Variants in DACH2 observed in about 807,000 individuals in gnomAD.
The protein encoded by DACH2 is dachshund homolog 2.
In DACH2, 17 loss-of-function variants were observed where a neutral mutation model predicts 35.8. The ratio of observed to expected loss-of-function variants is 0.48; its 90% CI spans 0.33 to 0.71. DACH2 has a LOEUF of 0.71. Ranked by LOEUF, DACH2 falls within the 30% of genes least tolerant of loss-of-function variation. The pLI is 0.02. For missense variants in DACH2, 469 were observed against 472.7 expected (o/e 0.99, Z 0.07); for synonymous variants, 195 against 177.3 (o/e 1.10, Z -0.79).
chrX:86,591,325 T>TACCCAAA (rs1253904427), intron 3 of DACH2, among the ~76,000 whole-genome samples: 1 of 111,607 alleles, frequency 9.0e-6, no homozygotes, highest in Non-Finnish European at 1.9e-5. Flanking sequence ...TATAATCCTT[T>TACCCAAA]GGGTATACAC....
At chrX:86,687,103 G>A (rs1374639216) in intron 4 of DACH2, among the ~76,000 whole-genome samples, 4 of 112,213 alleles carry the variant, frequency 3.6e-5, no homozygotes, top group African/African-American at 1.3e-4. Context: ...TGAAGCATCA[G>A]TTCCTTTTAA....
intron 2 of DACH2, among the ~76,000 whole-genome samples, chrX:86,435,319 C>A (rs201924605): frequency 8.9e-6 from 1 of 111,736 alleles, no homozygotes; most frequent in East Asian, 2.8e-4. Flanking sequence ...GAACTTTTAA[C>A]ATCAAGGTTT....
At chrX:86,686,872 T>C (rs1264956785) in intron 4 of DACH2, among the ~76,000 whole-genome samples, 1 of 112,156 alleles carries the variant, frequency 8.9e-6, no homozygotes, top group Non-Finnish European at 1.9e-5. Flanking sequence ...AATAATGTGA[T>C]GTTTAAGTTT....
chrX:86,537,823 G>A (rs1033747502), intron 3 of DACH2, among the ~76,000 whole-genome samples: 1 of 111,296 alleles, frequency 9.0e-6, no homozygotes, highest in African/African-American at 3.3e-5. Context: ...ACATCCAGAT[G>A]GCCTGAAACA....
rs1569472180 is a variant in DACH2 at position 86,714,548 on chromosome X, G to T, written c.932G>T (p.Arg311Ile). The T allele has an allele frequency of 1.7e-6, 2 of 1,191,538 alleles. No individual in the cohort carries two copies. The change falls in exon 6 of 12, where the codon AGA (arginine) becomes ATA (isoleucine). Residue 311 changes from arginine (R) to isoleucine (I), a missense_variant and splice_region_variant. Transcript: ENST00000373125. ...PLQQNHLLTNRLDLPFMMMPH... is the reference protein window; with the variant it reads ...PLQQNHLLTNILDLPFMMMPH... ...GTTTAATATGCACTGTCTCTTTTAG[G>T]ACTGGATCTGCCATTTATGATGATG...
chrX:86,587,936 C>A (rs2039595499), intron 3 of DACH2, among the ~76,000 whole-genome samples: 3 of 111,503 alleles, frequency 2.7e-5, no homozygotes, highest in Non-Finnish European at 1.9e-5. Context: ...GTCATAAATT[C>A]TTTGCCAATG....
rs151283030 is a variant in DACH2, at chrX:86,248,546, G to C, written c.488+99438G>C. Among the ~76,000 whole-genome samples the C allele has an allele frequency of 3.1e-4, 34 of 111,267 alleles. No individual in the cohort carries two copies. The East Asian group carries it at 9.6e-3, about 31-fold the overall frequency. On this transcript the variant is annotated intron_variant, in intron 1 of 11. Transcript: ENST00000373125. Reference sequence around the variant, plus strand: ...AGCACTGCTGAAAGTAATCAGAGATGACACACACAAATGGAGAAACACACC... The same window carrying C: ...AGCACTGCTGAAAGTAATCAGAGATCACACACACAAATGGAGAAACACACC...
At chrX:86,688,359 T>A (rs1381281937) in intron 4 of DACH2, among the ~76,000 whole-genome samples, 2 of 111,747 alleles carry the variant, frequency 1.8e-5, no homozygotes, top group Admixed American at 9.6e-5. Flanking sequence ...GGAAAGTCAG[T>A]TAAGAGTCTC....
intron 3 of DACH2, among the ~76,000 whole-genome samples, chrX:86,628,067 T>C (rs1424683979): frequency 1.8e-5 from 2 of 112,096 alleles, no homozygotes; most frequent in Admixed American, 1.9e-4. Flanking sequence ...TTTTTCCTCC[T>C]CCTGCTGTTG....
Position 86,720,288 on chromosome X carries a change from C to T in DACH2, c.1104+5568C>T, listed in dbSNP as rs764480532. On this transcript the variant is annotated intron_variant, in intron 6 of 11. Coordinates refer to ENST00000373125, the MANE Select transcript of DACH2 (RefSeq NM_053281.3). ...CGGCATTAACCCAAAAGTCCAAGTCCGAAGTTTTATCTGAGAAGGGACTCA... is the reference window on the plus strand; with the variant it reads ...CGGCATTAACCCAAAAGTCCAAGTCTGAAGTTTTATCTGAGAAGGGACTCA... 1.2e-4 allele frequency among the ~76,000 whole-genome samples: 13 copies of T among 110,439 alleles called. No individual in the cohort carries two copies. The South Asian group carries it at 4.3e-3, about 37-fold the overall frequency.
chrX:86,577,652 A>G (rs997728400), intron 3 of DACH2, among the ~76,000 whole-genome samples: 6 of 111,483 alleles, frequency 5.4e-5, no homozygotes, highest in African/African-American at 9.8e-5. Flanking sequence ...TAATGAGTTG[A>G]CTTATGGCTG....
chrX:86,437,142 A>G (rs928329060), intron 2 of DACH2, among the ~76,000 whole-genome samples: 2 of 110,424 alleles, frequency 1.8e-5, no homozygotes, highest in Non-Finnish European at 3.8e-5. Flanking sequence ...AACTTTGTTG[A>G]TTTCCACACT....
chrX:86,472,980 A>G (rs979385542), intron 2 of DACH2, among the ~76,000 whole-genome samples: 2 of 111,415 alleles, frequency 1.8e-5, no homozygotes, highest in East Asian at 2.8e-4. Flanking sequence ...TTTCATACAT[A>G]TTTAATATTT....
intron 2 of DACH2, among the ~76,000 whole-genome samples, chrX:86,437,225 G>T (rs1421816375): frequency 2.7e-5 from 3 of 111,277 alleles, no homozygotes; most frequent in Non-Finnish European, 5.7e-5. Flanking sequence ...TGCATAGAAG[G>T]TGTAATGATC....
In DACH2 at chrX:86,786,418, C is replaced by T. The variant is rs757604711; in HGVS notation, c.1241-26438C>T. ...CCTGCAACCTGCAGATACCAAGCCA[C>T]GAGCCATATGCCTTTGTGTCATGGT... On this transcript the variant is annotated intron_variant, in intron 7 of 11. Coordinates refer to ENST00000373125, the MANE Select transcript of DACH2 (RefSeq NM_053281.3). 1.6e-4 allele frequency among the ~76,000 whole-genome samples: 18 copies of T among 111,675 alleles called. 1 individual carries two copies. Among genetic ancestry groups the T allele is most frequent in the Admixed American group, 1.4e-3 (15 of 10,487 alleles).
intron 1 of DACH2, among the ~76,000 whole-genome samples, chrX:86,204,510 T>C (rs2032235735): frequency 9.0e-6 from 1 of 111,626 alleles, no homozygotes; most frequent in Non-Finnish European, 1.9e-5. Context: ...TGGGTCTTTT[T>C]GAAATAGAAC....
chrX:86,359,120 T>TGC (rs1275326581), intron 1 of DACH2, among the ~76,000 whole-genome samples: 4 of 109,447 alleles, frequency 3.7e-5, no homozygotes, highest in African/African-American at 1.3e-4. Flanking sequence ...TGTGTTTGTG[T>TGC]GTGCATGTGT....
intron 1 of DACH2, among the ~76,000 whole-genome samples, chrX:86,274,584 T>C (rs2033881521): frequency 1.0e-5 from 1 of 95,716 alleles, no homozygotes; most frequent in African/African-American, 3.9e-5. Flanking sequence ...AAGCTCCGCC[T>C]CCCGGGTTCA....
chrX:86,398,289 A>T (rs1252239431), intron 2 of DACH2, among the ~76,000 whole-genome samples: 1 of 111,317 alleles, frequency 9.0e-6, no homozygotes, highest in Non-Finnish European at 1.9e-5. Flanking sequence ...TTTCTTCTTT[A>T]TTAGTCTTGC....
Sources: allele counts gnomAD v4.1 joint callset (sites outside exome capture counted in the v4.1 genomes callset), GRCh38; gene constraint gnomAD v4.1.1; transcripts MANE v1.5; gene names NCBI Gene and HGNC (gene_info 2026-07-23, HGNC 2026-07-21).